Variants in GAK observed in about 807,000 individuals in gnomAD.
GAK encodes the protein cyclin-G-associated kinase.
Under a neutral mutation model 143.9 loss-of-function variants are expected in GAK, and 79 were observed. The observed-to-expected ratio is 0.55, with a 90% CI of 0.46 to 0.66. GAK has a LOEUF of 0.66. GAK is among the 30% of genes least tolerant of loss of function. GAK has a pLI of 0.00. For synonymous variants in GAK, 881 were observed against 765.5 expected, an observed-to-expected ratio of 1.15 and a Z score of -2.49; for missense variants, 1,693 against 1,779.7, an observed-to-expected ratio of 0.95 and a Z score of 0.88.
chr4:868,638 C>T lies in GAK; in HGVS notation c.2296G>A (p.Ala766Thr), dbSNP rs1026257544. Residue 766 changes from alanine (A) to threonine (T), a missense_variant, in exon 20 of 28, where the codon GCT (alanine) becomes ACT (threonine). Physicochemically the swap from Ala to Thr is moderately conservative, Grantham distance 58 (BLOSUM62 0). Coordinates refer to ENST00000314167, the MANE Select transcript of GAK (RefSeq NM_005255.4). ...TCGGCTTCCGGGGACCCTGCCCCAG[C>T]ATCATACTGAGCCGTGGAGCCAGGC... ...RQPGSTAQYD[A>T]GAGSPEAEPT... 3.2e-6 allele frequency: 5 copies of T among 1,567,716 alleles called. No individual in the cohort carries two copies. Among genetic ancestry groups the T allele is most frequent in the Non-Finnish European group, 4.3e-6 (5 of 1,157,016 alleles).
At chr4:910,984 G>T (rs1721953071) in intron 4 of GAK, among the ~76,000 whole-genome samples, 1 of 152,152 alleles carries the variant, frequency 6.6e-6, no homozygotes, top group African/African-American at 2.4e-5. Context: ...CGGCCAGTCA[G>T]CGTGGGCTCC....
intron 9 of GAK, among the ~76,000 whole-genome samples, chr4:890,845 C>T (rs1264177409): frequency 1.3e-5 from 2 of 152,214 alleles, no homozygotes; most frequent in Non-Finnish European, 2.9e-5. Context: ...TCGCTTGGGG[C>T]TGTTGCAGGT....
At chr4:855,868 T>A (rs975350351) in intron 24 of GAK, among the ~76,000 whole-genome samples, 2 of 152,158 alleles carry the variant, frequency 1.3e-5, no homozygotes, top group East Asian at 1.9e-4. Flanking sequence ...GGCGGGAGAA[T>A]TGCTTGAAAC....
chr4:891,122 C>A (rs527900884), intron 9 of GAK, among the ~76,000 whole-genome samples: 3 of 152,052 alleles, frequency 2.0e-5, no homozygotes, highest in Non-Finnish European at 4.4e-5. Context: ...CCACGCCTGG[C>A]TAATTTGTTT....
In GAK at chr4:851,543, G is replaced by C. The variant is rs368545877; in HGVS notation, c.3508+207C>G. On this transcript the variant is annotated intron_variant, in intron 25 of 27. Coordinates refer to ENST00000314167, the MANE Select transcript of GAK (RefSeq NM_005255.4). ...CCATTTGTTAAAAACAGGTCAAGAA[G>C]GTGTCACTGGAACAAGAGGGACCCA... 4.5e-3 allele frequency: 2,735 copies of C among 607,010 alleles called. 115 individuals are homozygous for C. In the South Asian group the frequency reaches 0.051, roughly 11 times the overall value. The allele number at this position is 607,010 out of a possible 1,614,324, so 37.6% of individuals were successfully genotyped here.
chr4:851,452 G>T, intron 25 of GAK: 1 of 527,136 alleles, frequency 1.9e-6, no homozygotes. Context: ...CTGCCCCCGG[G>T]AACAGGGCTA....
At chr4:894,184 G>A (rs1351583404) in intron 7 of GAK, 175 bp from the exon 8 acceptor site, 14 of 668,390 alleles carry the variant, frequency 2.1e-5, no homozygotes, top group Non-Finnish European at 2.9e-5. Flanking sequence ...GGGTGATATC[G>A]GGAACATGGG....
intron 1 of GAK, among the ~76,000 whole-genome samples, chr4:925,941 G>A (rs771829200): frequency 2.6e-5 from 4 of 152,302 alleles, no homozygotes; most frequent in Non-Finnish European, 5.9e-5. Context: ...AGGAGTCCAC[G>A]GAGTGGAGGA....
intron 1 of GAK, among the ~76,000 whole-genome samples, chr4:920,534 G>A (rs1249256135): frequency 7.8e-6 from 1 of 128,268 alleles, no homozygotes; most frequent in African/African-American, 2.9e-5. Context: ...AAAAGGTTTA[G>A]AGCCATTTTT....
intron 1 of GAK, among the ~76,000 whole-genome samples, chr4:922,344 G>A (rs995796344): frequency 2.0e-5 from 3 of 151,874 alleles, no homozygotes; most frequent in African/African-American, 7.3e-5. Flanking sequence ...GTGAAACCCC[G>A]TCTCTACTAA....
chr4:902,596 C>CAAAAAAAAAAAAAAAAAAAAAAAAAAAA (rs768017849), intron 5 of GAK, among the ~76,000 whole-genome samples: 1 of 60,730 alleles, frequency 1.6e-5, no homozygotes, highest in African/African-American at 8.2e-5. Flanking sequence ...GTGACTGACT[C>CAAAAAAAAAAAAAAAAAAAAAAAAAAAA]AAAAAAAAAA....
At chr4:900,250 T>C (rs891462295) in intron 5 of GAK, among the ~76,000 whole-genome samples, 33 of 151,742 alleles carry the variant, frequency 2.2e-4, no homozygotes, top group African/African-American at 7.5e-4. Context: ...GAGACGAAGC[T>C]GTGCGCACAG....
Position 855,504 on chromosome 4 carries a change from C to T in GAK, c.3284-3530G>A, listed in dbSNP as rs539049267. 4.6e-5 allele frequency among the ~76,000 whole-genome samples: 7 copies of T among 152,328 alleles called. No homozygotes were observed. In the South Asian group the frequency reaches 1.0e-3, roughly 23 times the overall value. On this transcript the variant is annotated intron_variant, in intron 24 of 27. Transcript: ENST00000314167. ...TTTGTAGATTGCTTCAGAGTCCCTG[C>T]GCAGACAATCGTGTCATCTGCAGAC...
intron 14 of GAK, 85 bp downstream of exon 14, chr4:882,612 G>C (rs1308530434): frequency 6.6e-7 from 1 of 1,521,612 alleles, no homozygotes; most frequent in Non-Finnish European, 8.9e-7. Context: ...CCCAGCTCAT[G>C]ACTGGCGCTC....
At chr4:931,982 C>G (rs1470654872) in intron 1 of GAK, 61 bp downstream of exon 1, 3 of 1,226,230 alleles carry the variant, frequency 2.4e-6, no homozygotes, top group Non-Finnish European at 3.5e-6. Context: ...CTGACGCTGC[C>G]CCCAGCGTCC....
chr4:855,079 G>C (rs1426350096), intron 24 of GAK, among the ~76,000 whole-genome samples: 1 of 152,148 alleles, frequency 6.6e-6, no homozygotes, highest in Non-Finnish European at 1.5e-5. Context: ...TAGTCCATCT[G>C]TCTTTCAAAT....
intron 23 of GAK, among the ~76,000 whole-genome samples, chr4:862,877 C>T (rs566496991): frequency 3.9e-5 from 6 of 152,236 alleles, no homozygotes; most frequent in African/African-American, 1.4e-4. Context: ...CAGAGACGTA[C>T]GCAGACAGTC....
chr4:877,794 C>G lies in GAK; in HGVS notation c.1677G>C (p.Met559Ile). ...WPSHKRYIEY[M>I]CDMVAEEPIT... The stretch of plus-strand genomic sequence containing the variant: ...TGGGCTCCTCCGCCACCATGTCACA[C>G]ATGTACTCGATGTACCTGGGGGCAG... Residue 559 changes from methionine (M) to isoleucine (I), a missense_variant, in exon 16 of 28, where the codon ATG becomes ATC. Transcript: ENST00000314167. The G allele has an allele frequency of 6.2e-7, 1 of 1,602,762 alleles. No individual in the cohort carries two copies. The highest frequency in any genetic ancestry group is 8.5e-7 in the Non-Finnish European group (1 of 1,173,998).
Position 896,538 on chromosome 4 carries a change from A to G in GAK, c.663T>C (p.Asn221=). The change falls in exon 7 of 28, where the codon AAT becomes AAC. Residue 221 remains asparagine (N), a synonymous_variant. Coordinates refer to ENST00000314167, the MANE Select transcript of GAK (RefSeq NM_005255.4). ...CTGGTGTTCTATACATTGGTGTTGTATTCCTCGTGATCTGAAAAAATACAA... is the reference window on the plus strand; with the variant it reads ...CTGGTGTTCTATACATTGGTGTTGTGTTCCTCGTGATCTGAAAAAATACAA... The part of the protein sequence containing the change: ...RALVEEEITR[N]TTPMYRTPEI... The G allele has an allele frequency of 6.2e-7, 1 of 1,611,896 alleles. No individual in the cohort carries two copies. Among genetic ancestry groups the G allele is most frequent in the Non-Finnish European group, 8.5e-7 (1 of 1,177,926 alleles).
Sources: gnomAD v4.1 joint callset for allele counts (sites outside exome capture counted in the v4.1 genomes callset) on GRCh38, gnomAD v4.1.1 for gene constraint, MANE v1.5 for transcripts, NCBI Gene and HGNC (gene_info 2026-07-23, HGNC 2026-07-21) for gene names.